CREBBP: variants seen among roughly 807,000 people sequenced by gnomAD.
The protein encoded by CREBBP is CREB binding lysine acetyltransferase.
In CREBBP, 19 loss-of-function variants were observed where a neutral mutation model predicts 265.0. The ratio of observed to expected loss-of-function variants is 0.07; its 90% confidence interval spans 0.05 to 0.11. CREBBP has a LOEUF of 0.11. Ranked by LOEUF, CREBBP falls within the 10% of genes least tolerant of loss-of-function variation. The pLI, the probability that CREBBP is intolerant of heterozygous loss-of-function variation, is 1.00. For missense variants in CREBBP, 2,525 were observed against 3,219.0 expected (o/e 0.78, Z 5.22); for synonymous variants, 1,457 against 1,223.7 (o/e 1.19, Z -3.98).
At chr16:3,807,330 T>C (rs1218552073) in intron 3 of CREBBP, among the ~76,000 whole-genome samples, 1 of 152,198 alleles carries the variant, frequency 6.6e-6, no homozygotes, top group African/African-American at 2.4e-5. Flanking sequence ...GATTTGGCAC[T>C]GGAGTCCTGA....
intron 5 of CREBBP, among the ~76,000 whole-genome samples, chr16:3,787,880 T>C (rs74453058): frequency 6.6e-6 from 1 of 152,178 alleles, no homozygotes; most frequent in Non-Finnish European, 1.5e-5. Context: ...TTCACTGTGT[T>C]GCTCAGGCTG....
Position 3,780,715 on chromosome 16 carries a change from G to T in CREBBP, c.1823+17C>A, listed in dbSNP as rs766606523. On this transcript the variant is annotated intron_variant, in intron 8 of 30. Coordinates refer to ENST00000262367, the MANE Select transcript of CREBBP (RefSeq NM_004380.3). ...AATAAAATCAAACATCTATGAAACTGCAAAACTGTTACGTACAGTTTATGC... is the reference window on the plus strand; with the variant it reads ...AATAAAATCAAACATCTATGAAACTTCAAAACTGTTACGTACAGTTTATGC... The T allele has an allele frequency of 1.2e-6, 2 of 1,613,016 alleles. No homozygotes were observed. Among genetic ancestry groups the T allele is most frequent in the Admixed American group, 1.7e-5 (1 of 59,980 alleles).
intron 5 of CREBBP, among the ~76,000 whole-genome samples, chr16:3,789,421 T>C (rs995568733): frequency 3.3e-5 from 5 of 152,226 alleles, no homozygotes; most frequent in African/African-American, 4.8e-5. Context: ...CCCACCTTTC[T>C]CTACAAAGTA....
chr16:3,864,976 T>A (rs769741074), intron 1 of CREBBP, among the ~76,000 whole-genome samples: 1 of 152,164 alleles, frequency 6.6e-6, no homozygotes, highest in Non-Finnish European at 1.5e-5. Flanking sequence ...CCAGAATCAC[T>A]TGAATCTGAG....
chr16:3,862,072 G>C (rs2055088249), intron 1 of CREBBP, among the ~76,000 whole-genome samples: 1 of 152,152 alleles, frequency 6.6e-6, no homozygotes, highest in Non-Finnish European at 1.5e-5. Flanking sequence ...TAGAATAGAA[G>C]TCGGCCTCCC....
In CREBBP at chr16:3,850,726, C is replaced by T; in HGVS notation, c.369G>A (p.Leu123=). 2 of 1,614,096 alleles carry T rather than the reference C, an allele frequency of 1.2e-6. No homozygotes were observed. The highest frequency in any genetic ancestry group is 1.3e-5 in the African/African-American group (1 of 75,052). The change falls in exon 2 of 31, where the codon CTG becomes CTA. Residue 123 remains leucine (L), a synonymous_variant. Coordinates refer to ENST00000262367, the MANE Select transcript of CREBBP (RefSeq NM_004380.3). ...ASLSAMGKSP[L]SQGDSSAPSL... is the part of the protein sequence containing the mutation. ...TGGGGGCTGAAGAATCTCCCTGGCT[C>T]AGAGGGCTCTTGCCCATGGCACTGA...
chr16:3,803,701 C>G (rs1365239017), intron 3 of CREBBP, among the ~76,000 whole-genome samples: 2 of 152,128 alleles, frequency 1.3e-5, no homozygotes, highest in Non-Finnish European at 2.9e-5. Flanking sequence ...TCCCTCCCCA[C>G]TCTCTTCCTG....
chr16:3,857,082 G>A (rs763269204), intron 1 of CREBBP, among the ~76,000 whole-genome samples: 8 of 152,140 alleles, frequency 5.3e-5, no homozygotes, highest in Non-Finnish European at 1.2e-4. Flanking sequence ...ACGCCCCAGA[G>A]TTAAAAACTT....
chr16:3,752,423 T>C (rs2151374770), intron 19 of CREBBP, among the ~76,000 whole-genome samples: 1 of 152,030 alleles, frequency 6.6e-6, no homozygotes, highest in Non-Finnish European at 1.5e-5. Context: ...ATGAAAATGC[T>C]GAGCACCCAG....
chr16:3,805,485 T>C (rs1230549435), intron 3 of CREBBP, among the ~76,000 whole-genome samples: 1 of 152,228 alleles, frequency 6.6e-6, no homozygotes, highest in Non-Finnish European at 1.5e-5. Flanking sequence ...TTGTGTATAA[T>C]GTTAGGGAAC....
At chr16:3,786,648 C>T (rs1468429950) in intron 5 of CREBBP, among the ~76,000 whole-genome samples, 2 of 152,182 alleles carry the variant, frequency 1.3e-5, no homozygotes. Flanking sequence ...AAACACAGTG[C>T]TTGCGGGAGG....
chr16:3,761,658 C>T, intron 16 of CREBBP: 1 of 501,676 alleles, frequency 2.0e-6, no homozygotes, highest in Non-Finnish European at 4.0e-6. Context: ...TCCGGGCAAC[C>T]AGGTAAAAAC....
chr16:3,778,632 A>G, intron 9 of CREBBP, 68 bp downstream of exon 9: 1 of 1,267,348 alleles, frequency 7.9e-7, no homozygotes, highest in African/African-American at 1.5e-5. Flanking sequence ...CAGATAACAA[A>G]GCAGACAAAT....
chr16:3,751,916 G>C, intron 19 of CREBBP, 110 bp from the exon 20 acceptor site: 1 of 1,027,760 alleles, frequency 9.7e-7, no homozygotes, highest in Non-Finnish European at 1.5e-6. Flanking sequence ...CGAAGGGGGG[G>C]CGTTGTTGGT....
intron 10 of CREBBP, 123 bp downstream of exon 10, chr16:3,777,888 T>A (rs974411969): frequency 1.6e-6 from 2 of 1,269,396 alleles, no homozygotes; most frequent in African/African-American, 2.9e-5. Flanking sequence ...CACTGCCACA[T>A]CAACAGCTTC....
At chr16:3,826,398 T>G (rs1194063909) in intron 2 of CREBBP, among the ~76,000 whole-genome samples, 1 of 151,990 alleles carries the variant, frequency 6.6e-6, no homozygotes, top group African/African-American at 2.4e-5. Flanking sequence ...TTAAACATAG[T>G]GAGTCCTTCC....
chr16:3,828,144 G>A (rs770099293), intron 2 of CREBBP, among the ~76,000 whole-genome samples: 18 of 151,980 alleles, frequency 1.2e-4, no homozygotes, highest in Admixed American at 3.3e-4. Flanking sequence ...CCAGGCTAGA[G>A]TGCAGTGGCG....
intron 3 of CREBBP, 137 bp downstream of exon 3, chr16:3,810,466 C>A: frequency 1.0e-6 from 1 of 975,656 alleles, no homozygotes; most frequent in Non-Finnish European, 1.6e-6. Flanking sequence ...GAGAGCTACT[C>A]ATGAGAAATC....
chr16:3,749,480 T>A (rs2052424577), intron 21 of CREBBP, 147 bp downstream of exon 21: 2 of 618,190 alleles, frequency 3.2e-6, no homozygotes, highest in Non-Finnish European at 2.9e-6. Context: ...TTAAAAGAAA[T>A]CTATATCTAA....
Sources: gnomAD v4.1 joint callset for allele counts (sites outside exome capture counted in the v4.1 genomes callset) on GRCh38, gnomAD v4.1.1 for gene constraint, MANE v1.5 for transcripts, NCBI Gene and HGNC (gene_info 2026-07-23, HGNC 2026-07-21) for gene names.